Variants in FBXW7 observed in about 807,000 individuals in gnomAD.
FBXW7 encodes F-box and WD repeat domain containing 7.
In FBXW7, 11 loss-of-function variants were observed where a neutral mutation model predicts 86.3. The ratio of observed to expected loss-of-function variants is 0.13; its 90% CI spans 0.08 to 0.21. The LOEUF is 0.21. Among genes scored for constraint, FBXW7 ranks in the 10% least tolerant of loss-of-function variants. The pLI is 1.00. For missense variants in FBXW7, 488 were observed against 847.4 expected, an observed-to-expected ratio of 0.58 and a Z score of 5.27; for synonymous variants, 313 against 297.9, an observed-to-expected ratio of 1.05 and a Z score of -0.52.
intron 4 of FBXW7, among the ~76,000 whole-genome samples, chr4:152,357,719 C>T (rs999399931): frequency 1.3e-5 from 2 of 152,118 alleles, no homozygotes; most frequent in Non-Finnish European, 2.9e-5. Context: ...AGTATTAGTT[C>T]CAACAGTGTA....
At chr4:152,409,068 G>A (rs548881925) in intron 4 of FBXW7, among the ~76,000 whole-genome samples, 2 of 152,262 alleles carry the variant, frequency 1.3e-5, no homozygotes, top group Admixed American at 1.3e-4. Context: ...AAAGAATAAA[G>A]CAATGCAAGG....
At chr4:152,357,333 T>C (rs992154673) in intron 4 of FBXW7, among the ~76,000 whole-genome samples, 13 of 152,064 alleles carry the variant, frequency 8.5e-5, no homozygotes, top group African/African-American at 3.1e-4. Flanking sequence ...TTCTTTTTTT[T>C]TTTTAAAGAC....
intron 2 of FBXW7, among the ~76,000 whole-genome samples, chr4:152,431,137 A>G (rs535236437): frequency 6.6e-6 from 1 of 152,374 alleles, no homozygotes; most frequent in African/African-American, 2.4e-5. Flanking sequence ...TTAGAGAGCA[A>G]GAAAAGAAAT....
chr4:152,326,214 C>T lies in FBXW7; in HGVS notation c.1436G>A (p.Arg479Gln), dbSNP rs866987936. 6.2e-7 allele frequency: 1 copy of T among 1,612,724 alleles called. No homozygotes were observed. The highest frequency in any genetic ancestry group is 8.5e-7 in the Non-Finnish European group (1 of 1,179,312). ...LHEKRVVSGSRDATLRVWDIE... is the reference protein window; with the variant it reads ...LHEKRVVSGSQDATLRVWDIE... ...ATCCCAAACCCTAAGAGTGGCATCT[C>T]GAGAACCGCTAACAACTCTGCAGAG... is the stretch of plus-strand genomic sequence containing the variant. Residue 479 changes from arginine to glutamine, a missense_variant, in exon 12 of 14, where the codon CGA becomes CAA. Physicochemically the swap from Arg to Gln is conservative, Grantham distance 43. Coordinates refer to ENST00000281708, the MANE Select transcript of FBXW7 (RefSeq NM_001349798.2).
At chr4:152,392,831 G>GT (rs1278353827) in intron 4 of FBXW7, among the ~76,000 whole-genome samples, 1 of 152,118 alleles carries the variant, frequency 6.6e-6, no homozygotes, top group Non-Finnish European at 1.5e-5. Flanking sequence ...AAAATTTTGG[G>GT]TGACAATTTC....
chr4:152,411,470 C>T lies in FBXW7; in HGVS notation c.334G>A (p.Asp112Asn), dbSNP rs762567267. 1 of 1,613,516 alleles carries T rather than the reference C, an allele frequency of 6.2e-7. No individual in the cohort carries two copies. Among genetic ancestry groups the T allele is most frequent in the Non-Finnish European group, 8.5e-7 (1 of 1,179,746 alleles). The change falls in exon 4 of 14, where the codon GAT becomes AAT. Residue 112 changes from aspartate (D) to asparagine (N), a missense_variant. Coordinates refer to ENST00000281708, the MANE Select transcript of FBXW7 (RefSeq NM_001349798.2). ...TGGTCCATCTCCTCCTCCTCCTCATCCTCCTCATCTTGTTCACCAGCATGT... is the reference window on the plus strand; with the variant it reads ...TGGTCCATCTCCTCCTCCTCCTCATTCTCCTCATCTTGTTCACCAGCATGT... ...EEHAGEQDEE[D>N]EEEEEMDQES... is the part of the protein sequence containing the mutation.
intron 4 of FBXW7, among the ~76,000 whole-genome samples, chr4:152,390,987 A>C (rs2126808540): frequency 6.6e-6 from 1 of 152,200 alleles, no homozygotes. Context: ...AAAAAATCTG[A>C]AGGAGTGCTG....
intron 4 of FBXW7, chr4:152,353,012 C>G (rs1212502834): frequency 1.6e-6 from 2 of 1,221,246 alleles, no homozygotes; most frequent in African/African-American, 3.0e-5. Context: ...CGCCCCCACA[C>G]GACAGCCCCC....
At chr4:152,455,971 T>C (rs1407417669) in intron 2 of FBXW7, among the ~76,000 whole-genome samples, 3 of 152,100 alleles carry the variant, frequency 2.0e-5, no homozygotes, top group African/African-American at 2.4e-5. Flanking sequence ...ATACAGCTTT[T>C]GGAAATTAGG....
Position 152,409,402 on chromosome 4 carries a change from G to C in FBXW7, c.501+1901C>G, listed in dbSNP as rs185159623. On this transcript the variant is annotated intron_variant, in intron 4 of 13. Transcript: ENST00000281708. Reference sequence around the variant, plus strand: ...CTTCCAAAATAAAGTACTTCAACTAGTGAGAGCTTCTATTTATTGTATTAA... The same window carrying C: ...CTTCCAAAATAAAGTACTTCAACTACTGAGAGCTTCTATTTATTGTATTAA... Among the ~76,000 whole-genome samples the C allele has an allele frequency of 2.0e-5, 3 of 152,238 alleles. No homozygotes were observed. The East Asian group carries it at 5.8e-4, about 29-fold the overall frequency.
At chr4:152,386,756 G>A (rs1048627524) in intron 4 of FBXW7, among the ~76,000 whole-genome samples, 7 of 151,948 alleles carry the variant, frequency 4.6e-5, no homozygotes, top group Non-Finnish European at 1.5e-5. Context: ...TAAAGAAAAG[G>A]TCTTTATATA....
At chr4:152,381,495 C>T (rs1735070407) in intron 4 of FBXW7, among the ~76,000 whole-genome samples, 1 of 151,924 alleles carries the variant, frequency 6.6e-6, no homozygotes, top group Non-Finnish European at 1.5e-5. Flanking sequence ...TTGAAACTGG[C>T]AATTTAAATT....
At position 152,321,685 on chromosome 4, in the gene FBXW7, C is replaced by G; in HGVS notation, c.*1196G>C. The stretch of plus-strand genomic sequence containing the variant: ...ACTGTAAAACACTAAGACTGACCAG[C>G]AACTTTATTTTAATTTTGTGTTTTA... On this transcript the variant is annotated 3_prime_UTR_variant, in exon 14 of 14. Transcript: ENST00000281708. The G allele has an allele frequency of 8.6e-6, 2 of 233,104 alleles. No individual in the cohort carries two copies. Among genetic ancestry groups the G allele is most frequent in the Non-Finnish European group, 8.5e-6 (1 of 117,676 alleles). The allele number at this position is 233,104 out of a possible 1,614,324, so 14.4% of individuals were successfully genotyped here. A position where few individuals can be genotyped will look rare whatever the true frequency, so the allele number is the denominator to read the frequency against.
At chr4:152,512,749 G>T (rs186887127) in intron 2 of FBXW7, among the ~76,000 whole-genome samples, 1 of 152,192 alleles carries the variant, frequency 6.6e-6, no homozygotes, top group Non-Finnish European at 1.5e-5. Flanking sequence ...GAGGAAATGG[G>T]AAGTGACTCC....
rs777281733 is a variant in FBXW7, at chr4:152,411,855, T to C, written c.-52A>G. The C allele has an allele frequency of 2.6e-6, 4 of 1,510,048 alleles. No individual in the cohort carries two copies. Among genetic ancestry groups the C allele is most frequent in the Non-Finnish European group, 2.7e-6 (3 of 1,129,950 alleles). The allele number at this position is 1,510,048 out of a possible 1,614,324, so 93.5% of individuals were successfully genotyped here. A position where few individuals can be genotyped will look rare whatever the true frequency, so the allele number is the denominator to read the frequency against. ...GGACCTTGGCTAGACTATCAGAAGA[T>C]GCAAAGGTTTTCACATTCTGCAGGG... On this transcript the variant is annotated 5_prime_UTR_variant, in exon 4 of 14. Transcript: ENST00000281708.
chr4:152,446,687 T>C (rs993783797), intron 2 of FBXW7, among the ~76,000 whole-genome samples: 1 of 152,182 alleles, frequency 6.6e-6, no homozygotes, highest in Non-Finnish European at 1.5e-5. Context: ...AGACCAATCA[T>C]AGTTATCTTT....
At chr4:152,352,651 T>A (rs1560793870) in intron 4 of FBXW7, 1 of 1,613,576 alleles carries the variant, frequency 6.2e-7, no homozygotes, top group Non-Finnish European at 8.5e-7. Flanking sequence ...AAAAGGAAGA[T>A]TAGGGAGCAG....
At chr4:152,432,767 G>A (rs147584049) in intron 2 of FBXW7, among the ~76,000 whole-genome samples, 2,084 of 152,240 alleles carry the variant, frequency 0.014, 26 homozygotes, top group Middle Eastern at 0.037. Context: ...AGACGAGATC[G>A]CGACACTGCA....
chr4:152,405,019 G>A (rs1161367455), intron 4 of FBXW7, among the ~76,000 whole-genome samples: 1 of 149,170 alleles, frequency 6.7e-6, no homozygotes, highest in African/African-American at 2.5e-5. Context: ...TTAAGCCTGG[G>A]AGGTGGAGGC....
Sources: allele counts gnomAD v4.1 joint callset (sites outside exome capture counted in the v4.1 genomes callset), GRCh38; gene constraint gnomAD v4.1.1; transcripts MANE v1.5; gene names NCBI Gene and HGNC (gene_info 2026-07-23, HGNC 2026-07-21).